Variants in BMPR1A observed in about 807,000 individuals in gnomAD.
BMPR1A encodes bone morphogenetic protein receptor type 1A, also known as bone morphogenetic protein receptor type-1A.
BMPR1A carries 7 observed loss-of-function variants against 66.0 expected under a neutral mutation model. The observed-to-expected ratio is 0.11, with a 90% CI of 0.06 to 0.20. The LOEUF (loss-of-function observed/expected upper bound fraction) is 0.20, where lower values mean the gene tolerates loss of function less well. Ranked by LOEUF, BMPR1A falls within the 10% of genes least tolerant of loss-of-function variation. The probability of loss-of-function intolerance (pLI) is 1.00; values close to 1 mark genes in which losing one functional copy is unlikely to be tolerated. For missense variants in BMPR1A, 408 were observed against 669.1 expected (o/e 0.61, Z 4.31); for synonymous variants, 200 against 229.7 (o/e 0.87, Z 1.17).
intron 1 of BMPR1A, among the ~76,000 whole-genome samples, chr10:86,798,031 T>C (rs1841749265): frequency 6.6e-6 from 1 of 152,220 alleles, no homozygotes; most frequent in African/African-American, 2.4e-5. Context: ...GTCTATTTGC[T>C]ATTTATTATT....
intron 2 of BMPR1A, among the ~76,000 whole-genome samples, chr10:86,857,818 T>A (rs985261240): frequency 4.0e-5 from 4 of 101,098 alleles, no homozygotes; most frequent in Non-Finnish European, 7.2e-5. Context: ...CTTTATTCGT[T>A]TCTTTTTTTT....
chr10:86,796,780 C>T (rs1841717942), intron 1 of BMPR1A, among the ~76,000 whole-genome samples: 1 of 151,614 alleles, frequency 6.6e-6, no homozygotes, highest in Non-Finnish European at 1.5e-5. Flanking sequence ...GCCATGTCAC[C>T]GAGACTGAGT....
chr10:86,783,410 C>A (rs1360159471), intron 1 of BMPR1A, among the ~76,000 whole-genome samples: 1 of 152,188 alleles, frequency 6.6e-6, no homozygotes, highest in Non-Finnish European at 1.5e-5. Flanking sequence ...ATAGAGATTG[C>A]ATTGAATCAG....
At chr10:86,905,874 TA>T (rs1174523437) in intron 7 of BMPR1A, among the ~76,000 whole-genome samples, 1 of 151,834 alleles carries the variant, frequency 6.6e-6, no homozygotes, top group East Asian at 1.9e-4. Context: ...TCTGAATACC[TA>T]AAAAAGAAGC....
chr10:86,763,948 G>A (rs1841121108), intron 1 of BMPR1A, among the ~76,000 whole-genome samples: 1 of 152,016 alleles, frequency 6.6e-6, no homozygotes, highest in African/African-American at 2.4e-5. Context: ...CCGCCACCAC[G>A]CCTAGCTAAT....
At chr10:86,851,286 C>A (rs1842563700) in intron 2 of BMPR1A, among the ~76,000 whole-genome samples, 1 of 152,100 alleles carries the variant, frequency 6.6e-6, no homozygotes, top group Admixed American at 6.5e-5. Flanking sequence ...TGGTTTAATT[C>A]CCCAAATATA....
intron 1 of BMPR1A, among the ~76,000 whole-genome samples, chr10:86,823,547 TC>T: frequency 6.6e-6 from 1 of 152,234 alleles, no homozygotes; most frequent in East Asian, 1.9e-4. Context: ...ATTTCAAACA[TC>T]CTGACATCTT....
intron 3 of BMPR1A, among the ~76,000 whole-genome samples, chr10:86,888,525 A>G (rs893008865): frequency 1.3e-5 from 2 of 152,130 alleles, no homozygotes; most frequent in African/African-American, 4.8e-5. Flanking sequence ...AATATTCGGT[A>G]TAAGAAAGTG....
In BMPR1A at chr10:86,906,451, G is replaced by GTTGT. The variant is rs1278206894; in HGVS notation, c.531-5789_531-5788insTTGT. The stretch of plus-strand genomic sequence containing the variant: ...CTTTGTCCTTTTGGCTGGGCGCGGT[G>GTTGT]GCTCACGCCTGTAATCCCAGCACTT... On this transcript the variant is annotated intron_variant, in intron 7 of 12. Coordinates refer to ENST00000372037, the MANE Select transcript of BMPR1A (RefSeq NM_004329.3). 2.0e-3 allele frequency among the ~76,000 whole-genome samples: 203 copies of GTTGT among 103,000 alleles called. 1 individual carries two copies. Among genetic ancestry groups the GTTGT allele is most frequent in the East Asian group, 4.2e-3 (8 of 1,910 alleles). 67.6% of individuals were successfully genotyped at this position (103,000 alleles called of 152,430 possible).
chr10:86,784,042 A>G (rs765331297), intron 1 of BMPR1A, among the ~76,000 whole-genome samples: 1 of 152,170 alleles, frequency 6.6e-6, no homozygotes, highest in Admixed American at 6.5e-5. Context: ...TTTTTCATGT[A>G]TAAAATCATG....
chr10:86,931,321 A>T (rs11596771), downstream of BMPR1A: 1 of 134,476 alleles, frequency 7.4e-6, no homozygotes. Context: ...ATATTCAAGC[A>T]ATGTGAAGAA....
Position 86,926,727 on chromosome 10 carries a change from G to T in BMPR1A, c.*3008G>T, listed in dbSNP as rs1011842529. On this transcript the variant is annotated 3_prime_UTR_variant, in exon 13 of 13. Transcript: ENST00000372037. Reference sequence around the variant, plus strand: ...TGGAAGCCATTATTTGGTCCCACTTGCAATTTAGTGTTTTTGAAGTGTGTA... The same window carrying T: ...TGGAAGCCATTATTTGGTCCCACTTTCAATTTAGTGTTTTTGAAGTGTGTA... The T allele has an allele frequency of 4.9e-5, 9 of 183,106 alleles. No homozygotes were observed. The highest frequency in any genetic ancestry group is 8.1e-5 in the Non-Finnish European group (7 of 86,198). The allele number at this position is 183,106 out of a possible 1,614,324, so 11.3% of individuals were successfully genotyped here. A position where few individuals can be genotyped will look rare whatever the true frequency, so the allele number is the denominator to read the frequency against.
intron 1 of BMPR1A, among the ~76,000 whole-genome samples, chr10:86,797,196 C>G (rs1841729798): frequency 6.7e-6 from 1 of 149,552 alleles, no homozygotes; most frequent in African/African-American, 2.5e-5. Context: ...TCCAGAGCAG[C>G]TGGGATTACA....
chr10:86,860,942 T>C (rs1460083904), intron 2 of BMPR1A, among the ~76,000 whole-genome samples: 8 of 149,418 alleles, frequency 5.4e-5, no homozygotes, highest in African/African-American at 1.7e-4. Context: ...CCCGGGTTCA[T>C]GCCATTCTCC....
chr10:86,770,833 G>GAA (rs1841246931), intron 1 of BMPR1A, among the ~76,000 whole-genome samples: 2 of 152,216 alleles, frequency 1.3e-5, no homozygotes, highest in African/African-American at 2.4e-5. Context: ...TAGGGATAGA[G>GAA]AAACAATTGT....
chr10:86,847,018 C>G (rs1336545172), intron 2 of BMPR1A, among the ~76,000 whole-genome samples: 1 of 151,950 alleles, frequency 6.6e-6, no homozygotes, highest in African/African-American at 2.4e-5. Context: ...CTGCTCTCTG[C>G]TAATTTTTGT....
At chr10:86,759,474 A>C (rs1051567709) in intron 1 of BMPR1A, among the ~76,000 whole-genome samples, 1 of 151,832 alleles carries the variant, frequency 6.6e-6, no homozygotes, top group African/African-American at 2.4e-5. Context: ...GATTGTTCTG[A>C]GCTGCTTTTC....
At chr10:86,759,621 C>T (rs989548963) in intron 1 of BMPR1A, among the ~76,000 whole-genome samples, 2 of 152,200 alleles carry the variant, frequency 1.3e-5, no homozygotes, top group East Asian at 1.9e-4. Context: ...CTCTTCTGCT[C>T]TCTATTCTTG....
chr10:86,910,196 G>A (rs1172926877), intron 7 of BMPR1A, among the ~76,000 whole-genome samples: 1 of 152,032 alleles, frequency 6.6e-6, no homozygotes, highest in Non-Finnish European at 1.5e-5. Flanking sequence ...AATTAGCCAG[G>A]TGTGGTGGTG....
Sources: allele counts gnomAD v4.1 joint callset (sites outside exome capture counted in the v4.1 genomes callset), GRCh38; gene constraint gnomAD v4.1.1; transcripts MANE v1.5; gene names NCBI Gene and HGNC (gene_info 2026-07-23, HGNC 2026-07-21).